DGKB: variants seen among roughly 807,000 people sequenced by gnomAD.
DGKB encodes 90 kDa diacylglycerol kinase.
Under a neutral mutation model 114.3 loss-of-function variants are expected in DGKB, and 67 were observed. The observed-to-expected ratio is 0.59, with a 90% CI of 0.48 to 0.72. The LOEUF (loss-of-function observed/expected upper bound fraction) is 0.72. Ranked by LOEUF, DGKB falls within the 30% of genes least tolerant of loss-of-function variation. The pLI is 0.00. For synonymous variants in DGKB, 398 were observed against 323.1 expected (o/e 1.23, Z -2.49); for missense variants, 907 against 975.2 (o/e 0.93, Z 0.93).
intron 1 of DGKB, among the ~76,000 whole-genome samples, chr7:14,871,889 CTTTTA>C (rs1245120623): frequency 6.6e-6 from 1 of 152,054 alleles, no homozygotes; most frequent in African/African-American, 2.4e-5. Flanking sequence ...AGTTTTCATA[CTTTTA>C]TTTTAAATAA....
At chr7:14,825,288 C>T (rs565182175) in intron 2 of DGKB, among the ~76,000 whole-genome samples, 17 of 151,632 alleles carry the variant, frequency 1.1e-4, no homozygotes, top group South Asian at 6.3e-4. Flanking sequence ...GAAATGGTTT[C>T]GGAATAATTC....
At chr7:14,452,242 C>A (rs1411517728) in intron 21 of DGKB, among the ~76,000 whole-genome samples, 1 of 151,904 alleles carries the variant, frequency 6.6e-6, no homozygotes, top group African/African-American at 2.4e-5. Context: ...AATCAGTAAG[C>A]ATATGTTATT....
chr7:14,251,878 A>G (rs1458927260), intron 23 of DGKB, among the ~76,000 whole-genome samples: 1 of 152,160 alleles, frequency 6.6e-6, no homozygotes, highest in Admixed American at 6.5e-5. Flanking sequence ...AATGTCTTAC[A>G]GAGATTTCCT....
chr7:14,882,215 TAAGAGAAAAAGA>T (rs1854338877), intron 1 of DGKB, among the ~76,000 whole-genome samples: 2 of 151,752 alleles, frequency 1.3e-5, no homozygotes, highest in Non-Finnish European at 2.9e-5. Context: ...AAATCGAGGA[TAAGAGAAAAAGA>T]AAGAGGGAGA....
intron 23 of DGKB, among the ~76,000 whole-genome samples, chr7:14,275,403 T>G (rs1798854540): frequency 1.3e-5 from 2 of 152,218 alleles, no homozygotes; most frequent in Admixed American, 1.3e-4. Flanking sequence ...AAGTCCTTGG[T>G]CACAATTTGA....
At chr7:14,688,556 A>T (rs1269691172) in intron 9 of DGKB, among the ~76,000 whole-genome samples, 1 of 152,198 alleles carries the variant, frequency 6.6e-6, no homozygotes, top group African/African-American at 2.4e-5. Flanking sequence ...AAAGATACCT[A>T]AAATTTCACT....
chr7:14,916,863 C>T (rs867230360), intron 1 of DGKB, among the ~76,000 whole-genome samples: 13 of 151,946 alleles, frequency 8.6e-5, no homozygotes, highest in Non-Finnish European at 7.4e-5. Context: ...TCCCATGGGG[C>T]ACTCACCAAG....
intron 2 of DGKB, among the ~76,000 whole-genome samples, chr7:14,833,422 G>GT (rs1239222663): frequency 1.3e-5 from 2 of 151,976 alleles, no homozygotes; most frequent in Non-Finnish European, 2.9e-5. Flanking sequence ...TTATGTTTGT[G>GT]TTTTTATGAA....
chr7:14,817,097 T>C (rs1844263443), intron 2 of DGKB, among the ~76,000 whole-genome samples: 3 of 152,212 alleles, frequency 2.0e-5, no homozygotes, highest in Admixed American at 2.0e-4. Flanking sequence ...ATATAAGGGC[T>C]AATAGTTTCC....
chr7:14,145,312 A>G lies in DGKB; in HGVS notation c.*3819T>C, dbSNP rs1781362863. ...TTTTCTTAAAGTTTACAGCTTTAAT[A>G]TATGTTACAAGGGTTTAATCTTTTA... On this transcript the variant is annotated 3_prime_UTR_variant, in exon 26 of 26. Coordinates refer to ENST00000402815, the MANE Select transcript of DGKB (RefSeq NM_001350709.2). 1 of 152,150 alleles carries G rather than the reference A, an allele frequency of 6.6e-6. No homozygotes were observed. Among genetic ancestry groups the G allele is most frequent in the African/African-American group, 2.4e-5 (1 of 41,436 alleles). 9.4% of individuals were successfully genotyped at this position (152,150 alleles called of 1,614,324 possible).
At chr7:14,455,062 C>A (rs1017198934) in intron 21 of DGKB, among the ~76,000 whole-genome samples, 20 of 152,066 alleles carry the variant, frequency 1.3e-4, no homozygotes, top group Non-Finnish European at 2.9e-5. Context: ...CTATGGAACC[C>A]AATATCACGT....
chr7:14,751,095 G>A (rs1162703144), intron 4 of DGKB, among the ~76,000 whole-genome samples: 1 of 151,882 alleles, frequency 6.6e-6, no homozygotes, highest in Admixed American at 6.6e-5. Context: ...TTACAGGTGT[G>A]AGCCACCATA....
intron 23 of DGKB, among the ~76,000 whole-genome samples, chr7:14,226,843 AC>A (rs1790878761): frequency 6.6e-6 from 1 of 152,040 alleles, no homozygotes; most frequent in Admixed American, 6.6e-5. Flanking sequence ...GCTGTTTTTA[AC>A]ATTTACTTTA....
intron 8 of DGKB, 87 bp from the exon 9 acceptor site, chr7:14,694,281 C>A: frequency 1.7e-6 from 2 of 1,189,752 alleles, no homozygotes; most frequent in Admixed American, 2.2e-5. Context: ...TGACTAACAG[C>A]TAAGTGGAGA....
At chr7:14,711,854 T>C (rs912196660) in intron 6 of DGKB, among the ~76,000 whole-genome samples, 3 of 152,122 alleles carry the variant, frequency 2.0e-5, no homozygotes, top group African/African-American at 4.8e-5. Flanking sequence ...AAGGATACAA[T>C]ACCAAAACAA....
intron 13 of DGKB, among the ~76,000 whole-genome samples, chr7:14,666,132 C>A: frequency 6.6e-6 from 1 of 151,896 alleles, no homozygotes. Context: ...AAAATAAAAG[C>A]ATGATGGCAA....
intron 23 of DGKB, among the ~76,000 whole-genome samples, chr7:14,190,385 A>T (rs1784120067): frequency 1.3e-5 from 2 of 152,134 alleles, no homozygotes; most frequent in African/African-American, 2.4e-5. Context: ...GACACAATAA[A>T]ACCAGTACTA....
In DGKB at chr7:14,148,275, AATTATGC is replaced by A. The variant is rs887382665; in HGVS notation, c.*849_*855del. On this transcript the variant is annotated 3_prime_UTR_variant, in exon 26 of 26. Coordinates refer to ENST00000402815, the MANE Select transcript of DGKB (RefSeq NM_001350709.2). ...TAAATTTGCTCCACAATGCTTAATT[AATTATGC>A]ATTAACCCATTTCTCTCAAGCATTG... The A allele has an allele frequency of 5.6e-4, 85 of 152,720 alleles. No homozygotes were observed. The highest frequency in any genetic ancestry group is 2.0e-3 in the African/African-American group (84 of 41,564). 9.5% of individuals were successfully genotyped at this position (152,720 alleles called of 1,614,324 possible).
At chr7:14,239,604 A>T (rs894293399) in intron 23 of DGKB, among the ~76,000 whole-genome samples, 2 of 151,968 alleles carry the variant, frequency 1.3e-5, no homozygotes, top group African/African-American at 4.8e-5. Context: ...TCATTTTAGG[A>T]TAGGAAAAAA....
Sources: allele counts gnomAD v4.1 joint callset (sites outside exome capture counted in the v4.1 genomes callset), GRCh38; gene constraint gnomAD v4.1.1; transcripts MANE v1.5; gene names NCBI Gene and HGNC (gene_info 2026-07-23, HGNC 2026-07-21).